WASHC4: variants seen among roughly 807,000 people sequenced by gnomAD.
WASHC4 encodes the protein WASH complex subunit 7.
A neutral mutation model predicts 166.6 loss-of-function variants in WASHC4; 86 were observed. That is an observed-to-expected ratio of 0.52 (90% CI 0.43 to 0.62). WASHC4 has a LOEUF of 0.62. WASHC4 is among the 20% of genes least tolerant of loss of function. The probability of loss-of-function intolerance (pLI) is 0.00; values close to 1 mark genes in which losing one functional copy is unlikely to be tolerated. For missense variants in WASHC4, 1,262 were observed against 1,382.4 expected (o/e 0.91, Z 1.38); for synonymous variants, 446 against 451.6 (o/e 0.99, Z 0.16).
chr12:105,111,960 A>G (rs1379740039), intron 2 of WASHC4, among the ~76,000 whole-genome samples: 1 of 152,162 alleles, frequency 6.6e-6, no homozygotes. Context: ...TAGCATATTC[A>G]CTGAGTTGTA....
chr12:105,122,072 G>T (rs760026972), intron 9 of WASHC4, 46 bp from the exon 10 acceptor site: 2 of 1,399,000 alleles, frequency 1.4e-6, no homozygotes, highest in South Asian at 1.3e-5. Context: ...TTTAATTTAA[G>T]AATTTATTAG....
At chr12:105,157,931 T>C (rs1884278914) in intron 28 of WASHC4, among the ~76,000 whole-genome samples, 1 of 152,116 alleles carries the variant, frequency 6.6e-6, no homozygotes, top group African/African-American at 2.4e-5. Context: ...GCAGAATTGG[T>C]AAGAATATGT....
intron 1 of WASHC4, 121 bp from the exon 2 acceptor site, chr12:105,111,004 G>T (rs1259955476): frequency 2.8e-6 from 2 of 720,850 alleles, no homozygotes; most frequent in South Asian, 1.6e-5. Flanking sequence ...TTTTCAGGAA[G>T]TCCAGACATT....
In WASHC4 at chr12:105,122,224, G is replaced by A. The variant is rs764569907; in HGVS notation, c.772G>A (p.Gly258Arg). The change falls in exon 10 of 33, where the codon GGA becomes AGA. Residue 258 changes from glycine to arginine, a missense_variant. Coordinates refer to ENST00000332180, the MANE Select transcript of WASHC4 (RefSeq NM_015275.3). ...LLKLEGQLLD[G>R]MIFQACIEQQ... is the part of the protein sequence containing the mutation. The stretch of plus-strand genomic sequence containing the variant: ...GAAGCTAGAAGGGCAATTACTGGAT[G>A]GAATGATATTCCAGGTAAGTAGGTC... The A allele has an allele frequency of 1.1e-5, 17 of 1,612,478 alleles. No individual in the cohort carries two copies. Among genetic ancestry groups the A allele is most frequent in the African/African-American group, 6.7e-5 (5 of 74,810 alleles).
At chr12:105,128,771 TTG>T (rs1323651444) in intron 13 of WASHC4, among the ~76,000 whole-genome samples, 9 of 79,452 alleles carry the variant, frequency 1.1e-4, no homozygotes, top group African/African-American at 3.3e-4. Flanking sequence ...AAATTCCGTT[TTG>T]TTTTTTTTTT....
chr12:105,127,749 G>A (rs1269918164), intron 13 of WASHC4, among the ~76,000 whole-genome samples: 2 of 151,996 alleles, frequency 1.3e-5, no homozygotes, highest in Non-Finnish European at 2.9e-5. Context: ...AAGCTTAAAG[G>A]GAAAGATAAT....
chr12:105,148,796 T>C, intron 24 of WASHC4: 1 of 985,320 alleles, frequency 1.0e-6, no homozygotes, highest in Non-Finnish European at 1.2e-6. Context: ...GGTTTTCATT[T>C]GTAGGTTGGA....
chr12:105,129,008 T>A (rs987070702), intron 13 of WASHC4, among the ~76,000 whole-genome samples: 2 of 150,506 alleles, frequency 1.3e-5, no homozygotes, highest in Non-Finnish European at 3.0e-5. Flanking sequence ...TGCAGTGGTG[T>A]GATCTCGGCT....
chr12:105,142,006 G>GA (rs1203244197), intron 18 of WASHC4, among the ~76,000 whole-genome samples: 4 of 84,502 alleles, frequency 4.7e-5, no homozygotes, highest in African/African-American at 2.0e-4. Flanking sequence ...TTTTGGGGCG[G>GA]GGGGGGTCAC....
chr12:105,127,033 A>C, intron 12 of WASHC4, 96 bp from the exon 13 acceptor site: 1 of 1,012,094 alleles, frequency 9.9e-7, no homozygotes, highest in South Asian at 1.4e-5. Flanking sequence ...TTTTTCTTGA[A>C]ATCAGTTGTC....
intron 5 of WASHC4, 133 bp from the exon 6 acceptor site, chr12:105,115,528 A>G (rs931161045): frequency 8.8e-5 from 61 of 692,820 alleles, no homozygotes; most frequent in Non-Finnish European, 1.3e-4. Flanking sequence ...TCTTTGGTGT[A>G]AAAATTCTGT....
At chr12:105,153,170 A>G (rs886699591) in intron 26 of WASHC4, among the ~76,000 whole-genome samples, 4 of 152,220 alleles carry the variant, frequency 2.6e-5, no homozygotes, top group Non-Finnish European at 5.9e-5. Context: ...GAAAGTTTAT[A>G]TTAACACCAA....
rs1334974603 is a variant in WASHC4, at chr12:105,167,460, TCA to T, written c.*530_*531del. The T allele has an allele frequency of 3.2e-5, 5 of 157,496 alleles. No individual in the cohort carries two copies. Among genetic ancestry groups the T allele is most frequent in the African/African-American group, 9.6e-5 (4 of 41,502 alleles). The allele number at this position is 157,496 out of a possible 1,614,324, so 9.8% of individuals were successfully genotyped here. On this transcript the variant is annotated 3_prime_UTR_variant, in exon 33 of 33. Transcript: ENST00000332180. ...TGAGGCACAAGTGTTTTATGTACTC[TCA>T]GTGTACAGTATAACTGATGATCCTT...
At position 105,167,447 on chromosome 12, in the gene WASHC4, GT is replaced by G. The variant is rs538275839; in HGVS notation, c.*520del. 28 of 158,650 alleles carry G rather than the reference GT, an allele frequency of 1.8e-4. No homozygotes were observed. In the East Asian group the frequency reaches 4.5e-3, roughly 26 times the overall value. 9.8% of individuals were successfully genotyped at this position (158,650 alleles called of 1,614,324 possible). On this transcript the variant is annotated 3_prime_UTR_variant, in exon 33 of 33. Transcript: ENST00000332180. ...TTGATACTAGAGGTGAGGCACAAGT[GT>G]TTTATGTACTCTCAGTGTACAGTAT...
rs767941756 is a variant in WASHC4 at position 105,160,145 on chromosome 12, T to A, written c.3057T>A (p.Pro1019=). The change falls in exon 29 of 33, where the codon CCT becomes CCA. Residue 1019 remains proline, a synonymous_variant. Transcript: ENST00000332180. ...GAAATTTCTATATAATTGTTCCCCC[T>A]CTGGTGAGTATTTCCAGAACCTAAA... ...HLRNFYIIVP[P]LTLNFVEHSI... 7.4e-6 allele frequency: 12 copies of A among 1,613,042 alleles called. No homozygotes were observed. The highest frequency in any genetic ancestry group is 3.3e-4 in the Middle Eastern group (2 of 6,082).
intron 13 of WASHC4, among the ~76,000 whole-genome samples, chr12:105,129,368 G>GC (rs1369727140): frequency 1.3e-5 from 2 of 152,242 alleles, no homozygotes; most frequent in Non-Finnish European, 2.9e-5. Flanking sequence ...ATAGGCGTGA[G>GC]CCATCACACC....
chr12:105,112,603 C>T (rs1392797756), intron 2 of WASHC4, among the ~76,000 whole-genome samples: 2 of 152,106 alleles, frequency 1.3e-5, no homozygotes, highest in African/African-American at 2.4e-5. Context: ...TTATATTCTT[C>T]CTAGTGAATG....
intron 15 of WASHC4, among the ~76,000 whole-genome samples, chr12:105,139,479 A>G (rs913291315): frequency 1.5e-4 from 20 of 137,224 alleles, no homozygotes; most frequent in African/African-American, 5.0e-4. Context: ...ATACATTAGA[A>G]AATTACATTA....
chr12:105,137,145 T>A (rs144362720), intron 14 of WASHC4, among the ~76,000 whole-genome samples: 32 of 151,314 alleles, frequency 2.1e-4, no homozygotes, highest in African/African-American at 7.3e-4. Flanking sequence ...CTTTTGGGTT[T>A]AAATGAAAAA....
Sources: allele counts gnomAD v4.1 joint callset (sites outside exome capture counted in the v4.1 genomes callset), GRCh38; gene constraint gnomAD v4.1.1; transcripts MANE v1.5; gene names NCBI Gene and HGNC (gene_info 2026-07-23, HGNC 2026-07-21).